The following SLFN5 variants were observed in gnomAD, a reference collection of about 807,000 sequenced individuals.
The protein encoded by SLFN5 is schlafen family member 5.
Under a neutral mutation model 48.5 loss-of-function variants are expected in SLFN5, and 34 were observed. That is an observed-to-expected ratio of 0.70 (90% CI 0.53 to 0.93). SLFN5 has a LOEUF of 0.93. Ranked by LOEUF, SLFN5 falls within the 40% of genes least tolerant of loss-of-function variation. The probability of loss-of-function intolerance (pLI) is 0.00; values close to 1 mark genes in which losing one functional copy is unlikely to be tolerated. For synonymous variants in SLFN5, 387 were observed against 396.2 expected, an observed-to-expected ratio of 0.98 and a Z score of 0.28; for missense variants, 1,006 against 1,071.3, an observed-to-expected ratio of 0.94 and a Z score of 0.85.
intron 1 of SLFN5, among the ~76,000 whole-genome samples, chr17:35,253,359 A>ACT (rs57385773): frequency 4.1e-4 from 62 of 149,662 alleles, no homozygotes; most frequent in African/African-American, 8.3e-4. Flanking sequence ...ACTGTATAGC[A>ACT]CTCTCTCTCT....
chr17:35,249,156 G>A (rs1011929326), intron 1 of SLFN5, among the ~76,000 whole-genome samples: 1 of 152,144 alleles, frequency 6.6e-6, no homozygotes, highest in Admixed American at 6.5e-5. Context: ...TGTCAGTGGA[G>A]TTAAACATGA....
At chr17:35,263,083 G>C (rs1334394216) in intron 3 of SLFN5, among the ~76,000 whole-genome samples, 1 of 152,078 alleles carries the variant, frequency 6.6e-6, no homozygotes, top group Non-Finnish European at 1.5e-5. Context: ...CACTTTGGAT[G>C]TCAGCAACAC....
In SLFN5 at chr17:35,265,815, G is replaced by A; in HGVS notation, c.2603G>A (p.Gly868Glu). 4 of 1,614,140 alleles carry A rather than the reference G, an allele frequency of 2.5e-6. No individual in the cohort carries two copies. Among genetic ancestry groups the A allele is most frequent in the Non-Finnish European group, 3.4e-6 (4 of 1,180,024 alleles). ...AATCCAGGAGTAGCCCCACCGGCTG[G>A]GGCCTACAATCTTCTGCTCTGTTTG... ...GINPGVAPPA[G>E]AYNLLLCLAS... The change falls in exon 5 of 5, where the codon GGG (glycine) becomes GAG (glutamate). Residue 868 changes from glycine to glutamate, a missense_variant. By Grantham distance (98) the Gly-to-Glu change is moderately conservative (BLOSUM62 -2). Coordinates refer to ENST00000299977, the MANE Select transcript of SLFN5 (RefSeq NM_144975.4).
intron 1 of SLFN5, among the ~76,000 whole-genome samples, chr17:35,252,538 A>G (rs1422935212): frequency 1.3e-5 from 2 of 152,138 alleles, no homozygotes; most frequent in Non-Finnish European, 2.9e-5. Context: ...TCTATAGATA[A>G]TGTGCCTTTT....
At chr17:35,254,269 A>G in intron 1 of SLFN5, among the ~76,000 whole-genome samples, 1 of 152,160 alleles carries the variant, frequency 6.6e-6, no homozygotes, top group South Asian at 2.1e-4. Context: ...TCAGTTTACT[A>G]AGTGATCTGT....
At position 35,266,128 on chromosome 17, in the gene SLFN5, C is replaced by A; in HGVS notation, c.*240C>A. ...AAAGGGATATCAGTAATTAGAGGAC[C>A]GTGAGACTCAGAGATGTGTGTGTGT... On this transcript the variant is annotated 3_prime_UTR_variant, in exon 5 of 5. Transcript: ENST00000299977. 4.1e-5 allele frequency: 17 copies of A among 413,942 alleles called. No homozygotes were observed. Among genetic ancestry groups the A allele is most frequent in the Non-Finnish European group, 5.7e-5 (13 of 227,022 alleles). 25.6% of individuals were successfully genotyped at this position (413,942 alleles called of 1,614,324 possible).
chr17:35,248,006 T>C (rs745671066), intron 1 of SLFN5, among the ~76,000 whole-genome samples: 1 of 152,220 alleles, frequency 6.6e-6, no homozygotes, highest in African/African-American at 2.4e-5. Flanking sequence ...GGTGCCCAAC[T>C]GTACGGTTGG....
intron 1 of SLFN5, among the ~76,000 whole-genome samples, chr17:35,255,415 T>C (rs1044574022): frequency 6.6e-6 from 1 of 152,256 alleles, no homozygotes; most frequent in South Asian, 2.1e-4. Flanking sequence ...AAACACTGAA[T>C]CTGCTTTTAG....
In SLFN5 at chr17:35,264,450, T is replaced by C. The variant is rs994009355; in HGVS notation, c.1406T>C (p.Ile469Thr). The C allele has an allele frequency of 2.5e-6, 4 of 1,614,190 alleles. No individual in the cohort carries two copies. Among genetic ancestry groups the C allele is most frequent in the Non-Finnish European group, 3.4e-6 (4 of 1,180,030 alleles). ...WDAGCKGYSM[I>T]VAYSLKQKLV... ...GCGGGGTGCAAGGGCTATTCTATGA[T>C]AGTTGCCTATTCTTTGAAGCAGAAG... The change falls in exon 4 of 5, where the codon ATA (isoleucine) becomes ACA (threonine). Residue 469 changes from isoleucine (I) to threonine (T), a missense_variant. Physicochemically the swap from Ile to Thr is moderately conservative, Grantham distance 89. Transcript: ENST00000299977.
chr17:35,254,788 G>C (rs1207363504), intron 1 of SLFN5, among the ~76,000 whole-genome samples: 1 of 152,166 alleles, frequency 6.6e-6, no homozygotes, highest in Non-Finnish European at 1.5e-5. Context: ...AGGCTGAAGC[G>C]GGTGGATCAC....
intron 2 of SLFN5, 96 bp downstream of exon 2, chr17:35,259,798 G>A (rs1904469627): frequency 2.1e-6 from 3 of 1,397,370 alleles, no homozygotes; most frequent in Non-Finnish European, 2.9e-6. Context: ...CTTGGAATCT[G>A]GGGAAAGAGA....
intron 1 of SLFN5, among the ~76,000 whole-genome samples, chr17:35,256,870 G>A (rs1307993065): frequency 6.6e-6 from 1 of 152,122 alleles, no homozygotes; most frequent in Non-Finnish European, 1.5e-5. Flanking sequence ...CCTGACTGTG[G>A]CCTGTTAGGA....
intron 1 of SLFN5, among the ~76,000 whole-genome samples, chr17:35,245,025 C>T (rs2142680669): frequency 6.6e-6 from 1 of 152,352 alleles, no homozygotes; most frequent in South Asian, 2.1e-4. Context: ...AGCAGCCCCA[C>T]TTTAACCATG....
In SLFN5 at chr17:35,257,477, A is replaced by C. The variant is rs17547894; in HGVS notation, c.-40-1174A>C. Among the ~76,000 whole-genome samples, 6 of 151,946 alleles carry C rather than the reference A, an allele frequency of 3.9e-5. No individual in the cohort carries two copies. The East Asian group carries it at 1.2e-3, about 29-fold the overall frequency. On this transcript the variant is annotated intron_variant, in intron 1 of 4. Transcript: ENST00000299977. ...AACAAAAACTTGAGCTCTTTTGCCAATGTTTACATTGTGTACTCATGATTT... is the reference window on the plus strand; with the variant it reads ...AACAAAAACTTGAGCTCTTTTGCCACTGTTTACATTGTGTACTCATGATTT...
chr17:35,262,834 A>G (rs898690089), intron 3 of SLFN5, among the ~76,000 whole-genome samples: 3 of 152,098 alleles, frequency 2.0e-5, no homozygotes, highest in Non-Finnish European at 4.4e-5. Flanking sequence ...ATTGTACCCC[A>G]GTTTAGGTGA....
At chr17:35,249,811 A>G (rs10853176) in intron 1 of SLFN5, among the ~76,000 whole-genome samples, 78,216 of 152,110 alleles carry the variant, frequency 0.51, 21,013 homozygotes, top group Middle Eastern at 0.6. Context: ...TTTCTCTATT[A>G]TATTTGATGC....
chr17:35,250,263 C>T (rs1009148827), intron 1 of SLFN5, among the ~76,000 whole-genome samples: 6 of 152,166 alleles, frequency 3.9e-5, no homozygotes, highest in Admixed American at 3.9e-4. Flanking sequence ...CAAAGACAGT[C>T]AATACTTTTC....
chr17:35,265,818 C>A lies in SLFN5; in HGVS notation c.2606C>A (p.Ala869Asp). 6.2e-7 allele frequency: 1 copy of A among 1,614,060 alleles called. No individual in the cohort carries two copies. The highest frequency in any genetic ancestry group is 8.5e-7 in the Non-Finnish European group (1 of 1,180,002). Residue 869 changes from alanine to aspartate, a missense_variant, in exon 5 of 5, where the codon GCC becomes GAC. By Grantham distance (126) the Ala-to-Asp change is moderately radical. Coordinates refer to ENST00000299977, the MANE Select transcript of SLFN5 (RefSeq NM_144975.4). ...CCAGGAGTAGCCCCACCGGCTGGGG[C>A]CTACAATCTTCTGCTCTGTTTGGCT... ...INPGVAPPAG[A>D]YNLLLCLASR...
intron 3 of SLFN5, among the ~76,000 whole-genome samples, chr17:35,262,228 A>C (rs553264759): frequency 1.3e-5 from 2 of 151,912 alleles, no homozygotes; most frequent in East Asian, 2.0e-4. Flanking sequence ...AAAATACAAA[A>C]AATTAGCTGG....
Sources: gnomAD v4.1 joint callset for allele counts (sites outside exome capture counted in the v4.1 genomes callset) on GRCh38, gnomAD v4.1.1 for gene constraint, MANE v1.5 for transcripts, NCBI Gene and HGNC (gene_info 2026-07-23, HGNC 2026-07-21) for gene names.